Variants in SLC6A13 observed in about 807,000 individuals in gnomAD.
SLC6A13 encodes the protein sodium- and chloride-dependent GABA transporter 2.
A neutral mutation model predicts 72.9 loss-of-function variants in SLC6A13; 69 were observed. The ratio of observed to expected loss-of-function variants is 0.95; its 90% CI spans 0.78 to 1.16. The LOEUF (loss-of-function observed/expected upper bound fraction) is 1.16, where lower values mean the gene tolerates loss of function less well. SLC6A13 is among the 50% of genes most tolerant of loss of function. The pLI, the probability that SLC6A13 is intolerant of heterozygous loss-of-function variation, is 0.00. For synonymous variants in SLC6A13, 303 were observed against 303.0 expected (o/e 1.00, Z 0.00); for missense variants, 735 against 760.5 (o/e 0.97, Z 0.39).
At chr12:237,056 T>G in intron 6 of SLC6A13, 102 bp downstream of exon 6, 1 of 1,309,326 alleles carries the variant, frequency 7.6e-7, no homozygotes, top group Non-Finnish European at 1.1e-6. Flanking sequence ...GGTCATCGCC[T>G]CCCATCCTCA....
intron 3 of SLC6A13, among the ~76,000 whole-genome samples, 182 bp from the exon 4 acceptor site, chr12:242,936 C>T (rs903532968): frequency 2.0e-5 from 3 of 151,864 alleles, no homozygotes; most frequent in Admixed American, 1.3e-4. Flanking sequence ...AAAATAAAAA[C>T]GTAAAGAAAA....
At chr12:244,011 C>A (rs1001549394) in intron 2 of SLC6A13, among the ~76,000 whole-genome samples, 198 bp from the exon 3 acceptor site, 1 of 152,194 alleles carries the variant, frequency 6.6e-6, no homozygotes, top group Non-Finnish European at 1.5e-5. Context: ...ATCTACACAG[C>A]CTCTTGCCTT....
At chr12:229,724 C>A (rs187442096) in intron 7 of SLC6A13, among the ~76,000 whole-genome samples, 1 of 152,198 alleles carries the variant, frequency 6.6e-6, no homozygotes, top group African/African-American at 2.4e-5. Context: ...CCAGGCCTGA[C>A]GGTGCGCTGG....
intron 9 of SLC6A13, among the ~76,000 whole-genome samples, chr12:224,879 T>C (rs968555172): frequency 6.6e-6 from 1 of 152,226 alleles, no homozygotes; most frequent in African/African-American, 2.4e-5. Flanking sequence ...GCAGATCTAG[T>C]GCAGAATGCA....
chr12:236,721 C>T (rs1003398506), intron 6 of SLC6A13, among the ~76,000 whole-genome samples: 2 of 152,206 alleles, frequency 1.3e-5, no homozygotes, highest in African/African-American at 4.8e-5. Context: ...TTAGGAGAGG[C>T]CCCCAGGGCA....
intron 2 of SLC6A13, among the ~76,000 whole-genome samples, chr12:250,923 A>G (rs747693723): frequency 1.9e-4 from 29 of 150,860 alleles, no homozygotes; most frequent in South Asian, 6.3e-4. Flanking sequence ...CTGGGAGGCC[A>G]AGGTGGGTGG....
At chr12:225,646 T>C (rs1477376945) in intron 9 of SLC6A13, among the ~76,000 whole-genome samples, 10 of 135,844 alleles carry the variant, frequency 7.4e-5, no homozygotes, top group Non-Finnish European at 1.2e-4. Flanking sequence ...CAAGACTCTA[T>C]CTCAAACAGT....
intron 2 of SLC6A13, among the ~76,000 whole-genome samples, chr12:251,416 T>C (rs1942542321): frequency 6.6e-6 from 1 of 152,130 alleles, no homozygotes; most frequent in Non-Finnish European, 1.5e-5. Flanking sequence ...TGAATACCCA[T>C]ACAACCCCCC....
rs375607547 is a variant in SLC6A13 at position 254,787 on chromosome 12, T to C, written c.202+5064A>G. On this transcript the variant is annotated intron_variant, in intron 2 of 14. Coordinates refer to ENST00000343164, the MANE Select transcript of SLC6A13 (RefSeq NM_016615.5). The surrounding 1 kb of genome is among the most constrained non-coding windows in gnomAD (Gnocchi z 4.4). ...CTATTGCCCAGTTGCCATTTCCACA[T>C]GGACATCTGATAGATACCTCAACTC... Among the ~76,000 whole-genome samples the C allele has an allele frequency of 6.6e-6, 1 of 152,220 alleles. No individual in the cohort carries two copies. Among genetic ancestry groups the C allele is most frequent in the African/African-American group, 2.4e-5 (1 of 41,456 alleles).
chr12:223,398 A>AG (rs1310394972), intron 11 of SLC6A13, among the ~76,000 whole-genome samples, 164 bp from the exon 12 acceptor site: 1 of 151,424 alleles, frequency 6.6e-6, no homozygotes. Flanking sequence ...ATAAAGCATG[A>AG]GGCGGATATG....
intron 1 of SLC6A13, among the ~76,000 whole-genome samples, chr12:262,457 T>C (rs758920466): frequency 2.0e-5 from 3 of 152,236 alleles, no homozygotes; most frequent in Non-Finnish European, 4.4e-5. Flanking sequence ...ACTCAAATTT[T>C]TGTTTTCTTT....
At chr12:256,647 G>A (rs1043898778) in intron 2 of SLC6A13, 1 of 152,186 alleles carries the variant, frequency 6.6e-6, no homozygotes, top group East Asian at 1.9e-4. Flanking sequence ...GACGCTGGAA[G>A]AAACCAAAGA....
intron 7 of SLC6A13, among the ~76,000 whole-genome samples, chr12:228,560 G>A (rs1941570370): frequency 6.6e-6 from 1 of 152,084 alleles, no homozygotes; most frequent in Non-Finnish European, 1.5e-5. Context: ...ACCCCCCCAA[G>A]CAGGCCCCTG....
In SLC6A13 at chr12:227,563, A is replaced by G; in HGVS notation, c.935+2T>C. 1 of 1,613,848 alleles carries G rather than the reference A, an allele frequency of 6.2e-7. No homozygotes were observed. ...TGGCTCAGGCCCCACGCCCCCAATC[A>G]CCTGTAGCAGTTGTTGTGGTACTTG... On this transcript the variant is annotated splice_donor_variant, in intron 8 of 14. Transcript: ENST00000343164. LOFTEE classifies it high-confidence loss of function.
intron 3 of SLC6A13, among the ~76,000 whole-genome samples, chr12:243,164 C>T (rs986647056): frequency 6.6e-6 from 1 of 152,068 alleles, no homozygotes; most frequent in Non-Finnish European, 1.5e-5. Context: ...TGCCCACCAC[C>T]ATGCCTGGCT....
intron 4 of SLC6A13, among the ~76,000 whole-genome samples, chr12:242,223 C>T (rs975018346): frequency 2.6e-5 from 4 of 152,164 alleles, no homozygotes; most frequent in Non-Finnish European, 4.4e-5. Flanking sequence ...GATTTTCTCC[C>T]GCCTCTGCCA....
intron 7 of SLC6A13, among the ~76,000 whole-genome samples, chr12:231,045 G>A (rs1400785131): frequency 6.6e-6 from 1 of 152,202 alleles, no homozygotes; most frequent in Non-Finnish European, 1.5e-5. Context: ...GCTTCCACGA[G>A]GGTTCTTTGG....
At chr12:259,560 G>T in intron 2 of SLC6A13, 1 of 1,392,696 alleles carries the variant, frequency 7.2e-7, no homozygotes. Context: ...ACTTGTCCAA[G>T]ATCACACAGA....
intron 1 of SLC6A13, among the ~76,000 whole-genome samples, chr12:261,002 CCTT>C (rs1428383105): frequency 6.6e-6 from 1 of 152,182 alleles, no homozygotes; most frequent in African/African-American, 2.4e-5. Flanking sequence ...TCTAAGTACT[CCTT>C]CTATGTCTCT....
Sources: allele counts gnomAD v4.1 joint callset (sites outside exome capture counted in the v4.1 genomes callset), GRCh38; gene constraint gnomAD v4.1.1; non-coding constraint Gnocchi (gnomAD v3.1); transcripts MANE v1.5; gene names NCBI Gene and HGNC (gene_info 2026-07-23, HGNC 2026-07-21).